Variants in CKAP2L observed in about 807,000 individuals in gnomAD.
CKAP2L encodes cytoskeleton-associated protein 2-like.
Under a neutral mutation model 65.7 loss-of-function variants are expected in CKAP2L, and 42 were observed. The ratio of observed to expected loss-of-function variants is 0.64; its 90% CI spans 0.50 to 0.83. The LOEUF (loss-of-function observed/expected upper bound fraction) is 0.83. Among genes scored for constraint, CKAP2L ranks in the 40% least tolerant of loss-of-function variants. The pLI, the probability that CKAP2L is intolerant of heterozygous loss-of-function variation, is 0.00. For synonymous variants in CKAP2L, 325 were observed against 313.5 expected (o/e 1.04, Z -0.39); for missense variants, 908 against 871.0 (o/e 1.04, Z -0.53).
rs1264271870 is a variant in CKAP2L at position 112,737,281 on chromosome 2, T to G, written c.*1542A>C. 6.6e-6 allele frequency: 1 copy of G among 152,178 alleles called. No individual in the cohort carries two copies. 9.4% of individuals were successfully genotyped at this position (152,178 alleles called of 1,614,324 possible). The stretch of plus-strand genomic sequence containing the variant: ...AGAGGGTCAGATAACAGTTCTATTT[T>G]TAATTTCTTTAGGAGCCTCCATACC... On this transcript the variant is annotated 3_prime_UTR_variant, in exon 9 of 9. Coordinates refer to ENST00000302450, the MANE Select transcript of CKAP2L (RefSeq NM_152515.5).
At position 112,755,913 on chromosome 2, in the gene CKAP2L, C is replaced by A. The variant is rs902414549; in HGVS notation, c.1394+64G>T. The A allele has an allele frequency of 4.1e-6, 6 of 1,464,088 alleles. No homozygotes were observed. In the African/African-American group the frequency reaches 7.1e-5, roughly 17 times the overall value. 90.7% of individuals were successfully genotyped at this position (1,464,088 alleles called of 1,614,324 possible). On this transcript the variant is annotated intron_variant, in intron 4 of 8. Transcript: ENST00000302450. ...TTTATGGCCTATTTCCTGACCTAGTCTTCTTGATGGTCAATTTGCCTAATC... is the reference window on the plus strand; with the variant it reads ...TTTATGGCCTATTTCCTGACCTAGTATTCTTGATGGTCAATTTGCCTAATC...
chr2:112,762,754 C>T (rs1680764956), intron 1 of CKAP2L, among the ~76,000 whole-genome samples, 185 bp from the exon 2 acceptor site: 1 of 151,854 alleles, frequency 6.6e-6, no homozygotes, highest in South Asian at 2.1e-4. Context: ...ATTTATATGC[C>T]AGGCCTACAC....
At position 112,762,567 on chromosome 2, in the gene CKAP2L, C is replaced by A; in HGVS notation, c.40G>T (p.Glu14Ter). The A allele has an allele frequency of 6.2e-7, 1 of 1,613,110 alleles. No homozygotes were observed. Among genetic ancestry groups the A allele is most frequent in the Non-Finnish European group, 8.5e-7 (1 of 1,179,042 alleles). ...PGPTAAAAVEERQRKLQEYLA... is the reference protein window; with the variant it reads ...PGPTAAAAVE ...TACTCCTGAAGCTTTCTCTGCCGCTCTTCTGCAACACAGGCAAGCAAACAA... is the reference window on the plus strand; with the variant it reads ...TACTCCTGAAGCTTTCTCTGCCGCTATTCTGCAACACAGGCAAGCAAACAA... The change falls in exon 2 of 9, where the codon GAG (glutamate) becomes TAG (stop). Residue 14 changes from glutamate to a stop codon, truncating the protein, a stop_gained and splice_region_variant. Transcript: ENST00000302450. LOFTEE classifies it high-confidence loss of function.
chr2:112,757,198 T>C lies in CKAP2L; in HGVS notation c.173A>G (p.Asn58Ser), dbSNP rs556863573. 1.2e-6 allele frequency: 2 copies of C among 1,605,014 alleles called. No homozygotes were observed. The highest frequency in any genetic ancestry group is 3.4e-5 in the Admixed American group (2 of 58,582). Residue 58 changes from asparagine (N) to serine (S), a missense_variant, in exon 4 of 9, where the codon AAT becomes AGT. Transcript: ENST00000302450. The part of the protein sequence containing the change: ...PPSKSTIRPK[N>S]DVTNHVVLPV... ...CAAAACAACATGGTTGGTAACATCA[T>C]TTTTGGGTCTAATAGTCTGAAAAAA...
At chr2:112,761,892 A>C (rs1680734018) in intron 2 of CKAP2L, among the ~76,000 whole-genome samples, 1 of 152,242 alleles carries the variant, frequency 6.6e-6, no homozygotes, top group Non-Finnish European at 1.5e-5. Flanking sequence ...AGATAAAATA[A>C]AGGGTGAAAG....
chr2:112,758,125 A>G (rs530851716), intron 3 of CKAP2L, among the ~76,000 whole-genome samples: 2 of 152,352 alleles, frequency 1.3e-5, no homozygotes, highest in South Asian at 2.1e-4. Context: ...CAGCCAGGAC[A>G]GGGTTTTAAG....
chr2:112,748,814 A>G (rs1488177013), intron 5 of CKAP2L, among the ~76,000 whole-genome samples: 1 of 151,864 alleles, frequency 6.6e-6, no homozygotes, highest in Admixed American at 6.6e-5. Context: ...GCAGTGAGCT[A>G]TGATGGCATC....
At chr2:112,748,967 G>T (rs1422544989) in intron 5 of CKAP2L, among the ~76,000 whole-genome samples, 1 of 151,762 alleles carries the variant, frequency 6.6e-6, no homozygotes, top group Non-Finnish European at 1.5e-5. Flanking sequence ...TTTCATTTCA[G>T]TGTATTATTT....
intron 3 of CKAP2L, among the ~76,000 whole-genome samples, 171 bp from the exon 4 acceptor site, chr2:112,757,385 G>GTTTTTT (rs11311328): frequency 2.3e-5 from 2 of 87,434 alleles, no homozygotes; most frequent in Non-Finnish European, 4.2e-5. Flanking sequence ...TAGTTTTTGT[G>GTTTTTT]TTTTTTTTTT....
intron 5 of CKAP2L, among the ~76,000 whole-genome samples, chr2:112,751,686 G>C (rs1306087947): frequency 6.6e-6 from 1 of 152,074 alleles, no homozygotes; most frequent in Non-Finnish European, 1.5e-5. Context: ...AGGACTGAAT[G>C]AGTTTTGCTC....
Position 112,757,171 on chromosome 2 carries a change from G to T in CKAP2L, c.200C>A (p.Pro67His). ...KNDVTNHVVLPVKPKRSISIK... is the reference protein window; with the variant it reads ...KNDVTNHVVLHVKPKRSISIK... The stretch of plus-strand genomic sequence containing the variant: ...GCTGATGGACCTTTTAGGTTTGACA[G>T]GCAAAACAACATGGTTGGTAACATC... Residue 67 changes from proline to histidine, a missense_variant, in exon 4 of 9, where the codon CCT (proline) becomes CAT (histidine). Pro to His is a moderately conservative substitution (Grantham distance 77). Coordinates refer to ENST00000302450, the MANE Select transcript of CKAP2L (RefSeq NM_152515.5). The T allele has an allele frequency of 6.2e-7, 1 of 1,612,850 alleles. No individual in the cohort carries two copies. The highest frequency in any genetic ancestry group is 8.5e-7 in the Non-Finnish European group (1 of 1,179,350).
chr2:112,761,278 G>A (rs1680712157), intron 2 of CKAP2L, among the ~76,000 whole-genome samples: 1 of 151,926 alleles, frequency 6.6e-6, no homozygotes, highest in East Asian at 1.9e-4. Flanking sequence ...GGCTAACACA[G>A]TGAAACCCCA....
chr2:112,741,224 C>T (rs1679937606), intron 7 of CKAP2L, among the ~76,000 whole-genome samples: 1 of 152,136 alleles, frequency 6.6e-6, no homozygotes, highest in African/African-American at 2.4e-5. Context: ...CCCTCGTAGC[C>T]AGCCCCCGAG....
In CKAP2L at chr2:112,756,863, G is replaced by A; in HGVS notation, c.508C>T (p.His170Tyr). 6.2e-7 allele frequency: 1 copy of A among 1,606,862 alleles called. No homozygotes were observed. The highest frequency in any genetic ancestry group is 2.2e-5 in the East Asian group (1 of 44,874). ...GKCIDFMNNI[H>Y]VENESLDNFL... ...TTATCCAAAGATTCGTTTTCAACAT[G>A]GATATTATTCATAAAGTCTATACAT... The change falls in exon 4 of 9, where the codon CAT becomes TAT. Residue 170 changes from histidine to tyrosine, a missense_variant. His to Tyr is a moderately conservative substitution (Grantham distance 83). Transcript: ENST00000302450.
At chr2:112,748,637 G>C (rs1438036019) in intron 5 of CKAP2L, among the ~76,000 whole-genome samples, 1 of 152,180 alleles carries the variant, frequency 6.6e-6, no homozygotes, top group Non-Finnish European at 1.5e-5. Context: ...TGAGGCAGAG[G>C]ACTGCTTGAG....
intron 4 of CKAP2L, among the ~76,000 whole-genome samples, chr2:112,755,635 T>C (rs1680506897): frequency 6.6e-6 from 1 of 152,130 alleles, no homozygotes; most frequent in Non-Finnish European, 1.5e-5. Flanking sequence ...AACTCACTTA[T>C]CTGCTCTATT....
At chr2:112,748,311 G>T (rs539494865) in intron 5 of CKAP2L, among the ~76,000 whole-genome samples, 1 of 152,244 alleles carries the variant, frequency 6.6e-6, no homozygotes, top group East Asian at 1.9e-4. Flanking sequence ...ACCTATAAAG[G>T]AATGAGAATC....
intron 4 of CKAP2L, among the ~76,000 whole-genome samples, chr2:112,754,122 TCTGA>T (rs1680462041): frequency 6.6e-6 from 1 of 152,184 alleles, no homozygotes; most frequent in Non-Finnish European, 1.5e-5. Context: ...GTCATTTAAG[TCTGA>T]CTATTATCAA....
intron 5 of CKAP2L, among the ~76,000 whole-genome samples, chr2:112,750,352 CAG>C (rs57546210): frequency 0.033 from 5,000 of 152,260 alleles, 280 homozygotes; most frequent in African/African-American, 0.11. Context: ...CGTATGTGCC[CAG>C]AGAGTGAGAA....
Sources: gnomAD v4.1 joint callset for allele counts (sites outside exome capture counted in the v4.1 genomes callset) on GRCh38, gnomAD v4.1.1 for gene constraint, MANE v1.5 for transcripts, NCBI Gene and HGNC (gene_info 2026-07-23, HGNC 2026-07-21) for gene names.